IRF2: variants seen among roughly 807,000 people sequenced by gnomAD.
IRF2 encodes the protein interferon regulatory factor 2.
IRF2 carries 15 observed loss-of-function variants against 40.6 expected under a neutral mutation model. The ratio of observed to expected loss-of-function variants is 0.37; its 90% CI spans 0.25 to 0.57. The LOEUF is 0.57. IRF2 is among the 20% of genes least tolerant of loss of function. The probability of loss-of-function intolerance (pLI) is 0.77; values close to 1 mark genes in which losing one functional copy is unlikely to be tolerated. For synonymous variants in IRF2, 151 were observed against 165.5 expected (o/e 0.91, Z 0.67); for missense variants, 317 against 455.7 (o/e 0.70, Z 2.77).
chr4:184,408,370 T>C lies in IRF2; in HGVS notation c.412-95A>G, dbSNP rs530030372. The C allele has an allele frequency of 7.6e-6, 6 of 793,918 alleles. No individual in the cohort carries two copies. The East Asian group carries it at 1.5e-4, about 19-fold the overall frequency. 49.2% of individuals were successfully genotyped at this position (793,918 alleles called of 1,614,324 possible). On this transcript the variant is annotated intron_variant, in intron 5 of 8. Coordinates refer to ENST00000393593, the MANE Select transcript of IRF2 (RefSeq NM_002199.4). The surrounding 1 kb of genome is among the most constrained non-coding windows in gnomAD (Gnocchi z 4.9). ...ACCCTCTGCCTACTTTCTTTAATGC[T>C]AGGGTCATTCATGTTCAGCTGCCGA...
At position 184,474,089 on chromosome 4, in the gene IRF2, TCC is replaced by T. The variant is rs1739635600; in HGVS notation, c.-7+288_-7+289del. 2 of 153,578 alleles carry T rather than the reference TCC, an allele frequency of 1.3e-5. No homozygotes were observed. The highest frequency in any genetic ancestry group is 2.9e-5 in the Non-Finnish European group (2 of 69,136). 9.5% of individuals were successfully genotyped at this position (153,578 alleles called of 1,614,324 possible). On this transcript the variant is annotated intron_variant, in intron 1 of 8. Transcript: ENST00000393593. This position sits in a 1 kb window ranked among gnomAD's most constrained non-coding sequence, Gnocchi z 5.6. Reference sequence around the variant, plus strand: ...AATTAAACCTCCACCAACCTCCTCCTCCTCCTCCCTCTCTACCTCCTCCTCCT... The same window carrying T: ...AATTAAACCTCCACCAACCTCCTCCTTCCTCCCTCTCTACCTCCTCCTCCT...
intron 2 of IRF2, among the ~76,000 whole-genome samples, chr4:184,425,104 A>G (rs571492347): frequency 7.1e-4 from 108 of 152,320 alleles, no homozygotes; most frequent in African/African-American, 2.6e-3. Context: ...ACACATCCTG[A>G]ATGCCGACTG....
chr4:184,410,834 AGT>A (rs770455638), intron 5 of IRF2, among the ~76,000 whole-genome samples: 2 of 152,206 alleles, frequency 1.3e-5, no homozygotes, highest in Non-Finnish European at 2.9e-5. Flanking sequence ...ATTAGTGACA[AGT>A]GATACTTTTA....
intron 6 of IRF2, among the ~76,000 whole-genome samples, chr4:184,403,026 T>C (rs1736723936): frequency 6.6e-6 from 1 of 152,168 alleles, no homozygotes; most frequent in Admixed American, 6.5e-5. Context: ...TCAGTCTGTT[T>C]TCTGGGCTAT....
intron 1 of IRF2, among the ~76,000 whole-genome samples, chr4:184,453,657 C>T (rs1210889782): frequency 6.6e-6 from 1 of 152,098 alleles, no homozygotes; most frequent in Non-Finnish European, 1.5e-5. Flanking sequence ...GGAGACGTAA[C>T]AGTATAGAGA....
chr4:184,393,042 A>G (rs900091502), intron 7 of IRF2, among the ~76,000 whole-genome samples: 1 of 152,196 alleles, frequency 6.6e-6, no homozygotes, highest in African/African-American at 2.4e-5. Flanking sequence ...GAAAACCAAC[A>G]GAAAAAGAAA....
chr4:184,433,028 C>T (rs1232150942), intron 1 of IRF2, among the ~76,000 whole-genome samples: 2 of 152,196 alleles, frequency 1.3e-5, no homozygotes, highest in Non-Finnish European at 2.9e-5. Context: ...CTGTGGACAG[C>T]AGTCAGTGAC....
chr4:184,390,254 A>G (rs1736208188), intron 8 of IRF2, among the ~76,000 whole-genome samples: 2 of 152,196 alleles, frequency 1.3e-5, no homozygotes, highest in African/African-American at 4.8e-5. Context: ...GAGATGGGGC[A>G]CACAACCAGC....
intron 7 of IRF2, among the ~76,000 whole-genome samples, chr4:184,396,505 C>T (rs1736469859): frequency 6.6e-6 from 1 of 151,378 alleles, no homozygotes; most frequent in Admixed American, 6.6e-5. Context: ...GCAACCAGGG[C>T]TCAATGAAGC....
At position 184,414,226 on chromosome 4, in the gene IRF2, C is replaced by T. The variant is rs74554515; in HGVS notation, c.411+3941G>A. ...TAGCACCCCTCTGTTTTAACTACTT[C>T]TATTCTTACTGTTCTTGGCCTTGTC... is the stretch of plus-strand genomic sequence containing the variant. On this transcript the variant is annotated intron_variant, in intron 5 of 8. Transcript: ENST00000393593. Among the ~76,000 whole-genome samples the T allele has an allele frequency of 8.4e-4, 128 of 152,386 alleles. No homozygotes were observed. In the East Asian group the frequency reaches 0.013, roughly 16 times the overall value.
rs1288697985 is a variant in IRF2, at chr4:184,388,505, TG to T, written c.*252del. ...AATGCAGCACCTCCACTGCCCTTGT[TG>T]GTCCTTGAACTTGAGTGAGTAGCCC... On this transcript the variant is annotated 3_prime_UTR_variant, in exon 9 of 9. Coordinates refer to ENST00000393593, the MANE Select transcript of IRF2 (RefSeq NM_002199.4). The surrounding 1 kb of genome is among the most constrained non-coding windows in gnomAD (Gnocchi z 4.6). The T allele has an allele frequency of 4.1e-6, 2 of 484,450 alleles. No homozygotes were observed. The highest frequency in any genetic ancestry group is 7.2e-6 in the Non-Finnish European group (2 of 276,376). The allele number at this position is 484,450 out of a possible 1,614,324, so 30.0% of individuals were successfully genotyped here.
intron 7 of IRF2, among the ~76,000 whole-genome samples, chr4:184,392,842 G>T (rs1736306449): frequency 6.6e-6 from 1 of 152,236 alleles, no homozygotes; most frequent in East Asian, 1.9e-4. Context: ...GAGTGATCGC[G>T]GTGGGCTGGC....
At chr4:184,404,480 G>C (rs1247196506) in intron 6 of IRF2, among the ~76,000 whole-genome samples, 1 of 152,156 alleles carries the variant, frequency 6.6e-6, no homozygotes, top group South Asian at 2.1e-4. Context: ...AACTCTGCGA[G>C]ATGGGCAGGA....
chr4:184,425,934 G>T (rs1305275083), intron 2 of IRF2, among the ~76,000 whole-genome samples: 1 of 152,064 alleles, frequency 6.6e-6, no homozygotes, highest in Non-Finnish European at 1.5e-5. Flanking sequence ...CAGTCCTGAA[G>T]GCCAGAAGTC....
chr4:184,389,625 T>C (rs900946713), intron 8 of IRF2, among the ~76,000 whole-genome samples: 2 of 152,056 alleles, frequency 1.3e-5, no homozygotes, highest in African/African-American at 4.8e-5. Flanking sequence ...TCAATTCCCA[T>C]TTGCTACCTC....
intron 7 of IRF2, among the ~76,000 whole-genome samples, chr4:184,398,129 TG>T (rs1204349855): frequency 6.6e-6 from 1 of 152,218 alleles, no homozygotes; most frequent in East Asian, 1.9e-4. Context: ...GCTTGGGGTC[TG>T]AAGGCTGAGG....
intron 5 of IRF2, among the ~76,000 whole-genome samples, chr4:184,417,883 G>A (rs1278921291): frequency 6.6e-6 from 1 of 152,208 alleles, no homozygotes; most frequent in Non-Finnish European, 1.5e-5. Context: ...ATGACCACTG[G>A]CAACGGCTGT....
chr4:184,447,874 T>A (rs1258795701), intron 1 of IRF2, among the ~76,000 whole-genome samples: 2 of 152,168 alleles, frequency 1.3e-5, no homozygotes, highest in African/African-American at 4.8e-5. Context: ...TAGCCCTGCA[T>A]CAGATTCTCC....
intron 5 of IRF2, among the ~76,000 whole-genome samples, chr4:184,409,207 C>G (rs1736980606): frequency 6.6e-6 from 1 of 152,190 alleles, no homozygotes; most frequent in Non-Finnish European, 1.5e-5. Context: ...GGACTGGAAG[C>G]AGAGGATCAT....
Sources: gnomAD v4.1 joint callset for allele counts (sites outside exome capture counted in the v4.1 genomes callset) on GRCh38, gnomAD v4.1.1 for gene constraint, Gnocchi (gnomAD v3.1) non-coding constraint, MANE v1.5 for transcripts, NCBI Gene and HGNC (gene_info 2026-07-23, HGNC 2026-07-21) for gene names.